The following CELF2 variants were observed in gnomAD, a reference collection of about 807,000 sequenced individuals.
CELF2 encodes the protein CUGBP Elav-like family member 2, also known as CUG triplet repeat RNA-binding protein 2.
A neutral mutation model predicts 62.6 loss-of-function variants in CELF2; 8 were observed. The ratio of observed to expected loss-of-function variants is 0.13; its 90% CI spans 0.07 to 0.23. CELF2 has a LOEUF of 0.23. Among genes scored for constraint, CELF2 ranks in the 10% least tolerant of loss-of-function variants. The pLI is 1.00. For missense variants in CELF2, 333 were observed against 671.0 expected (o/e 0.50, Z 5.56); for synonymous variants, 258 against 250.0 (o/e 1.03, Z -0.30).
chr10:10,791,701 C>A, the CELF2 span, among the ~76,000 whole-genome samples: 1 of 152,026 alleles, frequency 6.6e-6, no homozygotes, highest in Non-Finnish European at 1.5e-5. Flanking sequence ...TTGGGGAATA[C>A]GTTTTATCAC....
At chr10:10,641,045 C>T in the CELF2 span, among the ~76,000 whole-genome samples, 2 of 152,182 alleles carry the variant, frequency 1.3e-5, 1 homozygote, top group South Asian at 4.1e-4. Context: ...ACAGCATAAC[C>T]TATGCTGTTG....
chr10:11,142,778 T>A (rs184439989), intron 1 of CELF2, among the ~76,000 whole-genome samples: 9 of 150,040 alleles, frequency 6.0e-5, no homozygotes, highest in African/African-American at 2.0e-4. Context: ...GAAAAAGAAC[T>A]CAGTAGTGGT....
intron 1 of CELF2, among the ~76,000 whole-genome samples, chr10:11,087,501 G>T (rs368397436): frequency 3.3e-5 from 5 of 152,176 alleles, no homozygotes; most frequent in Non-Finnish European, 7.4e-5. Flanking sequence ...CCCTTCTGAC[G>T]GCCCGTCGAC....
At chr10:10,917,846 G>A (rs548844018) in intron 1 of CELF2, 1 of 152,302 alleles carries the variant, frequency 6.6e-6, no homozygotes, top group Non-Finnish European at 1.5e-5. Context: ...TCAAAATAAT[G>A]TCAAGTTTGA....
chr10:10,617,366 G>A, the CELF2 span, among the ~76,000 whole-genome samples: 1 of 152,114 alleles, frequency 6.6e-6, no homozygotes, highest in African/African-American at 2.4e-5. Flanking sequence ...AGCCAGCTGG[G>A]CACAAGAGGT....
At chr10:11,322,010 C>T (rs2095467807) in intron 11 of CELF2, among the ~76,000 whole-genome samples, 1 of 152,222 alleles carries the variant, frequency 6.6e-6, no homozygotes, top group Non-Finnish European at 1.5e-5. Flanking sequence ...TAAACTACTT[C>T]ATAGCTGCTG....
chr10:11,186,184 A>G (rs546563157), intron 2 of CELF2, among the ~76,000 whole-genome samples: 1 of 152,132 alleles, frequency 6.6e-6, no homozygotes, highest in Non-Finnish European at 1.5e-5. Context: ...TCTACTTGTC[A>G]TGTCTCCTGA....
chr10:11,005,932 T>C lies in CELF2; in HGVS notation c.53+492T>C, dbSNP rs1357902677. 6.6e-6 allele frequency among the ~76,000 whole-genome samples: 1 copy of C among 152,196 alleles called. No individual in the cohort carries two copies. The highest frequency in any genetic ancestry group is 1.5e-5 in the Non-Finnish European group (1 of 68,036). On this transcript the variant is annotated intron_variant, in intron 1 of 12. Transcript: ENST00000416382. This position sits in a 1 kb window ranked among gnomAD's most constrained non-coding sequence, Gnocchi z 4.3. ...GTGTTACCAGGTTTGGATCACTTTA[T>C]CCTGTTTGCCAAAATGTGTACCCGT...
chr10:10,696,985 A>G, the CELF2 span, among the ~76,000 whole-genome samples: 1 of 152,272 alleles, frequency 6.6e-6, no homozygotes, highest in East Asian at 1.9e-4. Flanking sequence ...AGCTGTTCCT[A>G]TTCGGCCATC....
chr10:11,262,939 A>ATTTTTTTTTTTTTT (rs1491054484), intron 5 of CELF2, among the ~76,000 whole-genome samples: 2 of 10,436 alleles, frequency 1.9e-4, no homozygotes, highest in South Asian at 3.7e-3. Flanking sequence ...AAGTGGCTTT[A>ATTTTTTTTTTTTTT]CTTTTTTTTT....
At chr10:10,803,688 A>C (rs2054907468) in intron 1 of CELF2, among the ~76,000 whole-genome samples, 1 of 152,232 alleles carries the variant, frequency 6.6e-6, no homozygotes, top group African/African-American at 2.4e-5. Context: ...TATTCTCATC[A>C]CAGCATTGCC....
chr10:10,670,316 T>C, the CELF2 span, among the ~76,000 whole-genome samples: 1 of 152,310 alleles, frequency 6.6e-6, no homozygotes, highest in East Asian at 1.9e-4. Flanking sequence ...TTATTGATTG[T>C]CCAGCCTAGC....
intron 1 of CELF2, among the ~76,000 whole-genome samples, chr10:10,877,928 G>A (rs2061212287): frequency 6.6e-6 from 1 of 152,136 alleles, no homozygotes; most frequent in African/African-American, 2.4e-5. Flanking sequence ...CATCCAGATA[G>A]GATCTAATTT....
intron 1 of CELF2, among the ~76,000 whole-genome samples, chr10:10,835,862 G>A (rs755181931): frequency 6.6e-6 from 1 of 152,202 alleles, no homozygotes; most frequent in African/African-American, 2.4e-5. Flanking sequence ...CTGGATGGTG[G>A]GGTGCGGGGG....
intron 1 of CELF2, among the ~76,000 whole-genome samples, chr10:11,026,186 C>T (rs1223514076): frequency 6.6e-6 from 1 of 152,184 alleles, no homozygotes; most frequent in African/African-American, 2.4e-5. Context: ...TTGGCTGCTG[C>T]TTCCATTTTA....
chr10:10,984,347 C>T (rs2052495544), intron 2 of CELF2, among the ~76,000 whole-genome samples: 2 of 152,178 alleles, frequency 1.3e-5, no homozygotes, highest in African/African-American at 4.8e-5. Flanking sequence ...CCAAGTAGAA[C>T]AATTAAGACT....
intron 1 of CELF2, among the ~76,000 whole-genome samples, chr10:11,056,508 A>G (rs967278970): frequency 2.0e-5 from 3 of 152,250 alleles, no homozygotes; most frequent in African/African-American, 4.8e-5. Flanking sequence ...TTTCCATAAA[A>G]TGCACTAAGG....
intron 1 of CELF2, among the ~76,000 whole-genome samples, chr10:11,066,697 C>G (rs1397907823): frequency 1.3e-5 from 2 of 152,064 alleles, no homozygotes; most frequent in African/African-American, 2.4e-5. Flanking sequence ...CTGTGTGGAT[C>G]AAGGTGTGTC....
chr10:10,870,922 C>T (rs1473737), intron 1 of CELF2, among the ~76,000 whole-genome samples: 89,433 of 151,968 alleles, frequency 0.59, 27,666 homozygotes, highest in East Asian at 0.97. Context: ...TAGACATTAC[C>T]GGACTCACTA....
Sources: gnomAD v4.1 joint callset for allele counts (sites outside exome capture counted in the v4.1 genomes callset) on GRCh38, gnomAD v4.1.1 for gene constraint, Gnocchi (gnomAD v3.1) non-coding constraint, MANE v1.5 for transcripts, NCBI Gene and HGNC (gene_info 2026-07-23, HGNC 2026-07-21) for gene names.